HSD17B12: variants seen among roughly 807,000 people sequenced by gnomAD.
The protein encoded by HSD17B12 is very-long-chain 3-oxoacyl-CoA reductase.
HSD17B12 carries 32 observed loss-of-function variants against 39.3 expected under a neutral mutation model. The ratio of observed to expected loss-of-function variants is 0.81; its 90% CI spans 0.61 to 1.09. The LOEUF (loss-of-function observed/expected upper bound fraction) is 1.09. HSD17B12 is among the 50% of genes least tolerant of loss of function. The pLI is 0.00. For synonymous variants in HSD17B12, 150 were observed against 146.7 expected (o/e 1.02, Z -0.16); for missense variants, 342 against 382.9 (o/e 0.89, Z 0.89).
At chr11:43,747,200 T>C (rs1358738753) in intron 1 of HSD17B12, among the ~76,000 whole-genome samples, 1 of 152,254 alleles carries the variant, frequency 6.6e-6, no homozygotes, top group African/African-American at 2.4e-5. Context: ...TTGTGCATGT[T>C]GCCTAGCAAG....
At chr11:43,629,111 G>T in the HSD17B12 span, among the ~76,000 whole-genome samples, 1 of 152,028 alleles carries the variant, frequency 6.6e-6, no homozygotes, top group Non-Finnish European at 1.5e-5. Flanking sequence ...ATTTCCCCAG[G>T]TGCATTTTCT....
At chr11:43,622,904 A>G in the HSD17B12 span, among the ~76,000 whole-genome samples, 5 of 152,304 alleles carry the variant, frequency 3.3e-5, no homozygotes, top group East Asian at 9.6e-4. Flanking sequence ...AGGCAACCAC[A>G]TGAATTTTAA....
chr11:43,844,560 C>CA (rs796417997), intron 9 of HSD17B12, among the ~76,000 whole-genome samples: 1,716 of 127,740 alleles, frequency 0.013, 22 homozygotes, highest in African/African-American at 0.036. Flanking sequence ...AAAGTCCAGT[C>CA]AAAAAAAAAA....
chr11:43,628,925 T>G, the HSD17B12 span, among the ~76,000 whole-genome samples: 2 of 152,152 alleles, frequency 1.3e-5, no homozygotes, highest in Admixed American at 6.5e-5. Context: ...ATGGGCTATA[T>G]GATATGAGCA....
At chr11:43,804,097 T>G (rs146209835) in intron 4 of HSD17B12, among the ~76,000 whole-genome samples, 72 of 152,334 alleles carry the variant, frequency 4.7e-4, no homozygotes, top group African/African-American at 1.6e-3. Flanking sequence ...TCTACTACTA[T>G]GACTTTTTTA....
chr11:43,637,002 A>G, the HSD17B12 span, among the ~76,000 whole-genome samples: 6 of 152,144 alleles, frequency 3.9e-5, no homozygotes, highest in African/African-American at 1.4e-4. Flanking sequence ...CTCATTAAGT[A>G]TATAGGTTGA....
the HSD17B12 span, among the ~76,000 whole-genome samples, chr11:43,619,180 TAAA>T: frequency 6.6e-5 from 5 of 75,310 alleles, no homozygotes; most frequent in Non-Finnish European, 1.5e-4. Context: ...TATATATATA[TAAA>T]ATATATATAT....
intron 3 of HSD17B12, among the ~76,000 whole-genome samples, chr11:43,769,146 G>T (rs1950626209): frequency 6.6e-6 from 1 of 152,030 alleles, no homozygotes; most frequent in Non-Finnish European, 1.5e-5. Context: ...CACCATATTG[G>T]CCAGGCTGGC....
intron 1 of HSD17B12, among the ~76,000 whole-genome samples, chr11:43,693,576 T>G (rs1949883226): frequency 6.6e-6 from 1 of 152,220 alleles, no homozygotes; most frequent in Non-Finnish European, 1.5e-5. Flanking sequence ...GAGTCTCAGC[T>G]GTGCTTATAT....
intron 3 of HSD17B12, among the ~76,000 whole-genome samples, chr11:43,766,140 G>T (rs531865257): frequency 2.0e-5 from 3 of 152,222 alleles, no homozygotes; most frequent in African/African-American, 7.2e-5. Context: ...TTTTCTTAAC[G>T]TGCTCACTCT....
intron 5 of HSD17B12, 63 bp from the exon 6 acceptor site, chr11:43,816,284 A>T: frequency 7.8e-7 from 1 of 1,287,198 alleles, no homozygotes; most frequent in Non-Finnish European, 1.0e-6. Context: ...TTACCTAAGT[A>T]GATATCTAAT....
the HSD17B12 span, among the ~76,000 whole-genome samples, chr11:43,651,541 G>A: frequency 6.6e-6 from 1 of 152,102 alleles, no homozygotes; most frequent in South Asian, 2.1e-4. Flanking sequence ...TTATATCCTA[G>A]CAATAAACAT....
chr11:43,728,405 GAATTTT>G (rs1231417615), intron 1 of HSD17B12, among the ~76,000 whole-genome samples: 4 of 151,370 alleles, frequency 2.6e-5, no homozygotes, highest in Admixed American at 2.6e-4. Flanking sequence ...AATTTTATTT[GAATTTT>G]AAACTATAAA....
chr11:43,731,507 G>A (rs552073042), intron 1 of HSD17B12, among the ~76,000 whole-genome samples: 3 of 152,262 alleles, frequency 2.0e-5, no homozygotes, highest in Non-Finnish European at 2.9e-5. Context: ...AGTAGACAAC[G>A]ATTGTCCTAC....
chr11:43,619,130 A>G, the HSD17B12 span, among the ~76,000 whole-genome samples: 6 of 139,212 alleles, frequency 4.3e-5, no homozygotes, highest in African/African-American at 1.5e-4. Context: ...TTAACTTATA[A>G]GCTTTCTCAA....
the HSD17B12 span, among the ~76,000 whole-genome samples, chr11:43,618,578 T>C: frequency 6.6e-6 from 1 of 152,188 alleles, no homozygotes; most frequent in Non-Finnish European, 1.5e-5. Context: ...ATGGTAATAA[T>C]GGCCAACTCA....
chr11:43,725,029 A>G (rs1298849524), intron 1 of HSD17B12, among the ~76,000 whole-genome samples: 1 of 152,168 alleles, frequency 6.6e-6, no homozygotes, highest in Non-Finnish European at 1.5e-5. Context: ...CAATATATTA[A>G]TTGCTTTAGT....
At chr11:43,615,171 G>T in the HSD17B12 span, among the ~76,000 whole-genome samples, 3 of 152,116 alleles carry the variant, frequency 2.0e-5, no homozygotes, top group African/African-American at 4.8e-5. Context: ...AAGTTTTTAG[G>T]TGGGGTATAG....
chr11:43,835,332 A>C (rs1951358984), intron 7 of HSD17B12, among the ~76,000 whole-genome samples: 1 of 152,078 alleles, frequency 6.6e-6, no homozygotes, highest in Admixed American at 6.6e-5. Context: ...GGTTGATTTA[A>C]AGGGCGAGTC....
Sources: allele counts gnomAD v4.1 joint callset (sites outside exome capture counted in the v4.1 genomes callset), GRCh38; gene constraint gnomAD v4.1.1; transcripts MANE v1.5; gene names NCBI Gene and HGNC (gene_info 2026-07-23, HGNC 2026-07-21).